Variants in LAMA4 observed in about 807,000 individuals in gnomAD.
LAMA4 encodes the protein laminin subunit alpha-4.
Under a neutral mutation model 207.1 loss-of-function variants are expected in LAMA4, and 127 were observed. The ratio of observed to expected loss-of-function variants is 0.61; its 90% CI spans 0.53 to 0.71. The LOEUF (loss-of-function observed/expected upper bound fraction) is 0.71, where lower values mean the gene tolerates loss of function less well. Among genes scored for constraint, LAMA4 ranks in the 30% least tolerant of loss-of-function variants. The pLI is 0.00. For synonymous variants in LAMA4, 761 were observed against 816.0 expected (o/e 0.93, Z 1.15); for missense variants, 2,093 against 2,246.5 (o/e 0.93, Z 1.38).
intron 6 of LAMA4, 98 bp from the exon 7 acceptor site, chr6:112,189,303 T>TA: frequency 1.3e-6 from 1 of 794,284 alleles, no homozygotes. Flanking sequence ...TATCAGTGTA[T>TA]AATTCATCAA....
intron 2 of LAMA4, chr6:112,217,509 A>C (rs2115064781): frequency 6.6e-6 from 1 of 152,316 alleles, no homozygotes; most frequent in South Asian, 2.1e-4. Context: ...GGCGACCAGG[A>C]AATTTTCATT....
At chr6:112,206,937 T>C in intron 4 of LAMA4, 84 bp downstream of exon 4, 2 of 1,528,606 alleles carry the variant, frequency 1.3e-6, no homozygotes, top group Non-Finnish European at 1.8e-6. Context: ...CTCAGAACTC[T>C]GGGATAAGGC....
intron 31 of LAMA4, among the ~76,000 whole-genome samples, chr6:112,125,259 T>TA (rs1778622219): frequency 3.3e-5 from 5 of 152,346 alleles, no homozygotes; most frequent in African/African-American, 1.2e-4. Flanking sequence ...ATAATTAACA[T>TA]AATGCCCTTA....
chr6:112,244,857 G>A (rs1786797537), intron 2 of LAMA4, among the ~76,000 whole-genome samples: 1 of 152,174 alleles, frequency 6.6e-6, no homozygotes, highest in African/African-American at 2.4e-5. Context: ...TTTCAAACAG[G>A]TCTCCTTTAT....
rs1554332920 is a variant in LAMA4, at chr6:112,140,734, G to C, written c.2976+26C>G. The C allele has an allele frequency of 1.9e-6, 3 of 1,607,654 alleles. No homozygotes were observed. The African/African-American group carries it at 4.0e-5, about 21-fold the overall frequency. On this transcript the variant is annotated intron_variant, in intron 22 of 38. Coordinates refer to ENST00000230538, the MANE Select transcript of LAMA4 (RefSeq NM_001105206.3). ...AAACAATTACTGTAGATTTGTAATA[G>C]GTCAAAATATAGCTGTATGGCTGAC...
At chr6:112,178,011 A>G in intron 10 of LAMA4, 110 bp downstream of exon 10, 2 of 816,376 alleles carry the variant, frequency 2.4e-6, no homozygotes, top group East Asian at 2.5e-5. Flanking sequence ...TACTGTACCA[A>G]CAAGTTCCTG....
rs1036010227 is a variant in LAMA4, at chr6:112,253,396, C to T, written c.195+560G>A. 9 of 274,324 alleles carry T rather than the reference C, an allele frequency of 3.3e-5. No individual in the cohort carries two copies. The East Asian group carries it at 5.8e-4, about 18-fold the overall frequency. The allele number at this position is 274,324 out of a possible 1,614,324, so 17.0% of individuals were successfully genotyped here. ...TGATTTTAATGGAAACATCTTGTTT[C>T]TGGAATACAATGGCTCGTTTCTACT... On this transcript the variant is annotated intron_variant, in intron 2 of 38. Coordinates refer to ENST00000230538, the MANE Select transcript of LAMA4 (RefSeq NM_001105206.3).
Position 112,132,762 on chromosome 6 carries a change from A to T in LAMA4, c.3825T>A (p.Tyr1275Ter). 1 of 1,612,972 alleles carries T rather than the reference A, an allele frequency of 6.2e-7. No individual in the cohort carries two copies. The highest frequency in any genetic ancestry group is 8.5e-7 in the Non-Finnish European group (1 of 1,179,246). The change falls in exon 28 of 39, where the codon TAT becomes TAA. Residue 1275 changes from tyrosine to a stop codon, truncating the protein, a stop_gained. Transcript: ENST00000230538. LOFTEE classifies it high-confidence loss of function. ...TLQPNGLLFY[Y>*]ASGSDVFSIS... is the part of the protein sequence containing the mutation. Reference sequence around the variant, plus strand: ...AAAAACAAACACTTACCCCTGAAGCATAATAGAATAGTAACCCATTTGGTT... The same window carrying T: ...AAAAACAAACACTTACCCCTGAAGCTTAATAGAATAGTAACCCATTTGGTT...
chr6:112,149,424 G>A (rs1380324020), intron 17 of LAMA4, among the ~76,000 whole-genome samples: 1 of 150,004 alleles, frequency 6.7e-6, no homozygotes, highest in African/African-American at 2.4e-5. Flanking sequence ...TCATGGGAGG[G>A]ATGGGTGGGA....
At chr6:112,133,951 G>C (rs574945095) in intron 26 of LAMA4, among the ~76,000 whole-genome samples, 4 of 152,160 alleles carry the variant, frequency 2.6e-5, no homozygotes, top group African/African-American at 9.7e-5. Context: ...CAGGTCTTCA[G>C]ACTTTTATTA....
At chr6:112,178,522 A>T in intron 9 of LAMA4, 1 of 400,130 alleles carries the variant, frequency 2.5e-6, no homozygotes, top group Non-Finnish European at 4.7e-6. Flanking sequence ...TGGTGCACCC[A>T]TCACCCGAGC....
At chr6:112,246,264 A>T (rs1244416467) in intron 2 of LAMA4, among the ~76,000 whole-genome samples, 3 of 152,214 alleles carry the variant, frequency 2.0e-5, no homozygotes, top group African/African-American at 7.2e-5. Flanking sequence ...TTATTTTAGA[A>T]AAAAATGATT....
chr6:112,203,136 A>G (rs1358112887), intron 4 of LAMA4, among the ~76,000 whole-genome samples: 5 of 152,160 alleles, frequency 3.3e-5, no homozygotes, highest in Non-Finnish European at 7.3e-5. Flanking sequence ...TCTCATCAGC[A>G]TTAACTGTTT....
In LAMA4 at chr6:112,187,439, T is replaced by C. The variant is rs1554347051; in HGVS notation, c.966+11A>G. On this transcript the variant is annotated intron_variant, in intron 8 of 38. Transcript: ENST00000230538. ...TGAAAACAGAGTGGAAAGTAGAACA[T>C]TCCTGCGTACTTTGAGGAGGTAGAT... 3 of 1,614,016 alleles carry C rather than the reference T, an allele frequency of 1.9e-6. No homozygotes were observed. The highest frequency in any genetic ancestry group is 2.7e-5 in the African/African-American group (2 of 75,024).
At chr6:112,186,071 C>A (rs1371833243) in intron 8 of LAMA4, among the ~76,000 whole-genome samples, 3 of 152,332 alleles carry the variant, frequency 2.0e-5, no homozygotes, top group Admixed American at 1.3e-4. Flanking sequence ...TCTATCCAGG[C>A]TACAATACAA....
chr6:112,155,442 TC>T (rs1780651346), intron 15 of LAMA4, 122 bp downstream of exon 15: 1 of 1,078,364 alleles, frequency 9.3e-7, no homozygotes, highest in African/African-American at 1.6e-5. Context: ...TTCCCTTAGT[TC>T]CCCTGCCTTT....
intron 5 of LAMA4, among the ~76,000 whole-genome samples, chr6:112,196,931 T>C (rs1554350657): frequency 6.6e-6 from 1 of 152,202 alleles, no homozygotes; most frequent in African/African-American, 2.4e-5. Context: ...TGATGCTGTG[T>C]CTGTCAAGCA....
chr6:112,198,491 C>T (rs1783550746), intron 5 of LAMA4, among the ~76,000 whole-genome samples: 1 of 152,050 alleles, frequency 6.6e-6, no homozygotes. Flanking sequence ...CAAGCAGAAA[C>T]CCTCCTCTTA....
At chr6:112,125,035 G>A (rs1024431846) in intron 31 of LAMA4, among the ~76,000 whole-genome samples, 8 of 152,238 alleles carry the variant, frequency 5.3e-5, no homozygotes, top group East Asian at 3.9e-4. Flanking sequence ...GATTACAGGC[G>A]TGAGCCACCG....
Sources: gnomAD v4.1 joint callset for allele counts (sites outside exome capture counted in the v4.1 genomes callset) on GRCh38, gnomAD v4.1.1 for gene constraint, MANE v1.5 for transcripts, NCBI Gene and HGNC (gene_info 2026-07-23, HGNC 2026-07-21) for gene names.